CCN6: variants seen among roughly 807,000 people sequenced by gnomAD.
The protein encoded by CCN6 is cellular communication network factor 6, also known as CCN family member 6.
CCN6 carries 31 observed loss-of-function variants against 37.4 expected under a neutral mutation model. The observed-to-expected ratio is 0.83, with a 90% CI of 0.62 to 1.12. The LOEUF is 1.12. Among genes scored for constraint, CCN6 ranks in the 50% most tolerant of loss-of-function variants. The pLI, the probability that CCN6 is intolerant of heterozygous loss-of-function variation, is 0.00. For missense variants in CCN6, 369 were observed against 413.8 expected, an observed-to-expected ratio of 0.89 and a Z score of 0.94; for synonymous variants, 137 against 142.1, an observed-to-expected ratio of 0.96 and a Z score of 0.26.
chr6:112,065,601 AACACACACGCAC>A (rs1344690919), intron 3 of CCN6, among the ~76,000 whole-genome samples: 1 of 144,104 alleles, frequency 6.9e-6, no homozygotes, highest in Admixed American at 7.0e-5. Flanking sequence ...CACACACACA[AACACACACGCAC>A]ACACACACGC....
chr6:112,061,026 T>C lies in CCN6; in HGVS notation c.84T>C (p.Asp28=), dbSNP rs782558276. The change falls in exon 2 of 5, where the codon GAT becomes GAC. Residue 28 remains aspartate (D), a synonymous_variant. Transcript: ENST00000368666. ...GGGTACAGGGCACTGGACCATTAGA[T>C]ACAACACCTGAAGGAAGGCCTGGAG... ...CCRVQGTGPL[D]TTPEGRPGEV... is the part of the protein sequence containing the mutation. The C allele has an allele frequency of 4.3e-6, 7 of 1,614,032 alleles. No individual in the cohort carries two copies. Among genetic ancestry groups the C allele is most frequent in the African/African-American group, 1.3e-5 (1 of 74,918 alleles).
rs373922145 is a variant in CCN6 at position 112,054,313 on chromosome 6, C to T, written c.-45C>T. ...TTGTGTACCCGGAGCAATGAACAAG[C>T]GGCGACTTCTCTACCCCTCAGGGTG... On this transcript the variant is annotated 5_prime_UTR_variant, in exon 1 of 5. Transcript: ENST00000368666. 136 of 1,613,822 alleles carry T rather than the reference C, an allele frequency of 8.4e-5. No homozygotes were observed. Among genetic ancestry groups the T allele is most frequent in the Non-Finnish European group, 9.9e-5 (117 of 1,180,008 alleles).
At chr6:112,063,281 G>T (rs879975173) in intron 2 of CCN6, among the ~76,000 whole-genome samples, 8 of 152,090 alleles carry the variant, frequency 5.3e-5, no homozygotes, top group African/African-American at 1.9e-4. Flanking sequence ...TATGTTTATT[G>T]ATATTATATT....
chr6:112,065,487 T>C (rs1011772980), intron 3 of CCN6, among the ~76,000 whole-genome samples: 3 of 152,116 alleles, frequency 2.0e-5, no homozygotes, highest in Non-Finnish European at 4.4e-5. Flanking sequence ...GTAAATATTA[T>C]TTCTAAAAAT....
In CCN6 at chr6:112,054,718, G is replaced by C. The variant is rs587775647; in HGVS notation, c.48+313G>C. 79 of 366,970 alleles carry C rather than the reference G, an allele frequency of 2.2e-4. 2 individuals are homozygous for C. Among genetic ancestry groups the C allele is most frequent in the South Asian group, 1.9e-3 (78 of 40,970 alleles). The allele number at this position is 366,970 out of a possible 1,614,324, so 22.7% of individuals were successfully genotyped here. A position where few individuals can be genotyped will look rare whatever the true frequency, so the allele number is the denominator to read the frequency against. ...AGCCTAAGGCACAGCCTGGCACAGT[G>C]CGGGAAACAGTGTCTCTCCATGCCA... On this transcript the variant is annotated intron_variant, in intron 1 of 4. Coordinates refer to ENST00000368666, the MANE Select transcript of CCN6 (RefSeq NM_198239.2).
intron 3 of CCN6, chr6:112,066,896 G>T: frequency 8.3e-7 from 1 of 1,197,816 alleles, no homozygotes; most frequent in East Asian, 4.9e-5. Context: ...GTAAATTCCT[G>T]AACTACAGCT....
intron 2 of CCN6, among the ~76,000 whole-genome samples, chr6:112,061,801 A>C (rs1340248924): frequency 1.3e-5 from 2 of 152,190 alleles, no homozygotes; most frequent in East Asian, 3.8e-4. Context: ...CCCAAACCAC[A>C]ACCTGACCCT....
chr6:112,068,535 C>T, intron 4 of CCN6, 137 bp downstream of exon 4: 1 of 844,048 alleles, frequency 1.2e-6, no homozygotes, highest in Non-Finnish European at 1.8e-6. Context: ...TAAAGTCAAA[C>T]TATTTCAGAG....
At chr6:112,067,821 T>G (rs994451552) in intron 3 of CCN6, among the ~76,000 whole-genome samples, 7 of 152,222 alleles carry the variant, frequency 4.6e-5, no homozygotes, top group African/African-American at 1.4e-4. Flanking sequence ...CTGATCAAAT[T>G]CCCTAATTTT....
intron 1 of CCN6, among the ~76,000 whole-genome samples, chr6:112,058,898 C>T (rs143381777): frequency 1.2e-4 from 19 of 152,244 alleles, no homozygotes; most frequent in South Asian, 2.1e-4. Context: ...TGGATGGTGA[C>T]GCCATTCACT....
intron 1 of CCN6, chr6:112,060,082 G>T: frequency 7.3e-7 from 1 of 1,365,038 alleles, no homozygotes; most frequent in Non-Finnish European, 9.8e-7. Context: ...TGGTGTGGAG[G>T]CAGCAAGGGG....
At chr6:112,059,888 A>G in intron 1 of CCN6, 2 of 1,216,198 alleles carry the variant, frequency 1.6e-6, no homozygotes, top group Non-Finnish European at 1.1e-6. Flanking sequence ...ATGTGTAGGT[A>G]ATAAGAAAGG....
At chr6:112,062,055 G>C (rs782194874) in intron 2 of CCN6, among the ~76,000 whole-genome samples, 1 of 152,022 alleles carries the variant, frequency 6.6e-6, no homozygotes, top group East Asian at 1.9e-4. Flanking sequence ...AATGTGTAGA[G>C]CACTCAAGCT....
At chr6:112,060,598 T>G (rs1301595449) in intron 1 of CCN6, among the ~76,000 whole-genome samples, 1 of 152,126 alleles carries the variant, frequency 6.6e-6, no homozygotes, top group Non-Finnish European at 1.5e-5. Context: ...AGTGGAGATG[T>G]TAAGTAGGCA....
chr6:112,055,701 G>A (rs781934059), intron 1 of CCN6, among the ~76,000 whole-genome samples: 1 of 151,932 alleles, frequency 6.6e-6, no homozygotes, highest in Non-Finnish European at 1.5e-5. Flanking sequence ...AGCGATTGTT[G>A]TGCCTCAGCC....
In CCN6 at chr6:112,069,548, G is replaced by A. The variant is rs121908900; in HGVS notation, c.993G>A (p.Trp331Ter). Reference protein sequence around the residue: ...NEGSFKWKMLWITSCVCQRNC... With the variant: ...NEGSFKWKML ...GGTCATTTAAATGGAAGATGCTGTGGATTACATCTTGTGTGTGTCAGAGAA... is the reference window on the plus strand; with the variant it reads ...GGTCATTTAAATGGAAGATGCTGTGAATTACATCTTGTGTGTGTCAGAGAA... Residue 331 changes from tryptophan (W) to a stop codon, truncating the protein, a stop_gained, in exon 5 of 5, where the codon TGG (tryptophan) becomes TGA (stop). Coordinates refer to ENST00000368666, the MANE Select transcript of CCN6 (RefSeq NM_198239.2). LOFTEE classifies it high-confidence loss of function. 2 of 1,613,658 alleles carry A rather than the reference G, an allele frequency of 1.2e-6. No individual in the cohort carries two copies. Among genetic ancestry groups the A allele is most frequent in the Non-Finnish European group, 1.7e-6 (2 of 1,179,764 alleles).
chr6:112,066,927 T>C (rs782011647), intron 3 of CCN6: 16 of 1,347,210 alleles, frequency 1.2e-5, no homozygotes, highest in Non-Finnish European at 1.6e-5. Context: ...CAAGTGGGAT[T>C]ACTGGTAACA....
intron 1 of CCN6, among the ~76,000 whole-genome samples, chr6:112,059,757 T>C (rs926719282): frequency 1.3e-5 from 2 of 152,190 alleles, no homozygotes; most frequent in Non-Finnish European, 2.9e-5. Flanking sequence ...TGAAGTTTGA[T>C]TGAAATAACC....
At chr6:112,054,517 G>A in intron 1 of CCN6, 112 bp downstream of exon 1, 1 of 1,001,294 alleles carries the variant, frequency 1.0e-6, no homozygotes, top group South Asian at 1.3e-5. Context: ...TCAATGGCTT[G>A]TGGAACTACT....
Sources: allele counts gnomAD v4.1 joint callset (sites outside exome capture counted in the v4.1 genomes callset), GRCh38; gene constraint gnomAD v4.1.1; transcripts MANE v1.5; gene names NCBI Gene and HGNC (gene_info 2026-07-23, HGNC 2026-07-21).